The following SORCS3 variants were observed in gnomAD, a reference collection of about 807,000 sequenced individuals.
SORCS3 encodes the protein VPS10 domain-containing receptor SorCS3.
Under a neutral mutation model 146.3 loss-of-function variants are expected in SORCS3, and 57 were observed. The ratio of observed to expected loss-of-function variants is 0.39; its 90% CI spans 0.31 to 0.49. The LOEUF (loss-of-function observed/expected upper bound fraction) is 0.49. Ranked by LOEUF, SORCS3 falls within the 20% of genes least tolerant of loss-of-function variation. SORCS3 has a pLI of 0.92. For missense variants in SORCS3, 1,341 were observed against 1,575.5 expected, an observed-to-expected ratio of 0.85 and a Z score of 2.52; for synonymous variants, 653 against 618.5, an observed-to-expected ratio of 1.06 and a Z score of -0.83.
chr10:104,722,964 G>T (rs1332584715), intron 1 of SORCS3, among the ~76,000 whole-genome samples: 2 of 151,926 alleles, frequency 1.3e-5, no homozygotes, highest in African/African-American at 4.8e-5. Context: ...AGGGTTTTTT[G>T]TGTCTCTATT....
At chr10:105,119,084 G>A (rs925190814) in intron 7 of SORCS3, among the ~76,000 whole-genome samples, 2 of 152,080 alleles carry the variant, frequency 1.3e-5, no homozygotes, top group Admixed American at 6.5e-5. Flanking sequence ...TGTTTTCATG[G>A]GCTGGGCCTA....
At chr10:104,994,272 T>C (rs1197789990) in intron 4 of SORCS3, among the ~76,000 whole-genome samples, 2 of 152,122 alleles carry the variant, frequency 1.3e-5, no homozygotes, top group Non-Finnish European at 2.9e-5. Flanking sequence ...GGTTAGAGTA[T>C]ATATTAGGGA....
rs2016592025 is a variant in SORCS3 at position 104,724,212 on chromosome 10, T to C, written c.627+82258T>C. On this transcript the variant is annotated intron_variant, in intron 1 of 26. Transcript: ENST00000369701. ...TCAGCATTTGCTTGTCTGTAAAGGA[T>C]TTTATTTCTCCTTCACTTATGAAGC... 3.3e-5 allele frequency among the ~76,000 whole-genome samples: 5 copies of C among 152,296 alleles called. No individual in the cohort carries two copies. In the South Asian group the frequency reaches 1.0e-3, roughly 32 times the overall value.
At position 105,177,816 on chromosome 10, in the gene SORCS3, G is replaced by T. The variant is rs575287543; in HGVS notation, c.1902-250G>T. Among the ~76,000 whole-genome samples, 5 of 152,104 alleles carry T rather than the reference G, an allele frequency of 3.3e-5. No homozygotes were observed. The South Asian group carries it at 8.3e-4, about 25-fold the overall frequency. ...TTCCATCCACTAAGCCCTCCTGCTT[G>T]GGCTGTTTGTCGATTCTAATGTGTT... On this transcript the variant is annotated intron_variant, in intron 13 of 26. Transcript: ENST00000369701.
chr10:104,710,120 C>A (rs1022031680), intron 1 of SORCS3, among the ~76,000 whole-genome samples: 1 of 152,034 alleles, frequency 6.6e-6, no homozygotes, highest in Non-Finnish European at 1.5e-5. Flanking sequence ...ACATTCTAAT[C>A]GAATGATGGA....
At chr10:105,202,143 C>T (rs994177806) in intron 16 of SORCS3, among the ~76,000 whole-genome samples, 2 of 152,096 alleles carry the variant, frequency 1.3e-5, no homozygotes, top group South Asian at 2.1e-4. Context: ...ATTCATTCTC[C>T]TCACAGCAAC....
intron 3 of SORCS3, among the ~76,000 whole-genome samples, chr10:104,965,895 G>C (rs1336496265): frequency 1.3e-5 from 2 of 152,068 alleles, no homozygotes; most frequent in African/African-American, 4.8e-5. Context: ...TAATGGATTA[G>C]GGTGGAAAGG....
chr10:104,834,710 TC>T (rs1463854887), intron 1 of SORCS3, among the ~76,000 whole-genome samples: 1 of 151,874 alleles, frequency 6.6e-6, no homozygotes, highest in Non-Finnish European at 1.5e-5. Flanking sequence ...TTTTTTTTTT[TC>T]CTCTGCTAGG....
chr10:104,700,146 C>T (rs1185504624), intron 1 of SORCS3, among the ~76,000 whole-genome samples: 3 of 152,204 alleles, frequency 2.0e-5, no homozygotes, highest in African/African-American at 7.2e-5. Flanking sequence ...ATTCTGCTTC[C>T]TGATCACTTT....
chr10:104,736,080 A>G (rs1047660740), intron 1 of SORCS3, among the ~76,000 whole-genome samples: 1 of 152,128 alleles, frequency 6.6e-6, no homozygotes, highest in Non-Finnish European at 1.5e-5. Context: ...CAGCTGTCAT[A>G]CAAGGGCTGC....
chr10:105,114,465 A>C (rs1269092023), intron 7 of SORCS3, among the ~76,000 whole-genome samples: 2 of 152,146 alleles, frequency 1.3e-5, no homozygotes, highest in African/African-American at 2.4e-5. Flanking sequence ...CGCTGTTTTA[A>C]GTGAGCCTGT....
intron 1 of SORCS3, among the ~76,000 whole-genome samples, chr10:104,815,671 T>C (rs2017789652): frequency 7.2e-6 from 1 of 138,376 alleles, no homozygotes; most frequent in Non-Finnish European, 1.7e-5. Flanking sequence ...ATAGACACAC[T>C]TTTTTTTAAG....
intron 1 of SORCS3, among the ~76,000 whole-genome samples, chr10:104,718,392 C>A (rs2016504913): frequency 1.3e-5 from 2 of 152,168 alleles, no homozygotes; most frequent in African/African-American, 4.8e-5. Context: ...TAATGACATT[C>A]ATCCATTCAT....
intron 3 of SORCS3, among the ~76,000 whole-genome samples, chr10:104,976,633 T>G (rs550807949): frequency 9.8e-5 from 15 of 152,320 alleles, no homozygotes; most frequent in African/African-American, 3.1e-4. Context: ...GCAGCACTAT[T>G]CACAATAGCA....
intron 14 of SORCS3, among the ~76,000 whole-genome samples, chr10:105,184,411 C>T (rs1009309964): frequency 1.1e-4 from 17 of 152,198 alleles, no homozygotes; most frequent in African/African-American, 3.6e-4. Flanking sequence ...GCTTGTGGGC[C>T]GTCCAAACCA....
chr10:104,841,174 T>C (rs2018135808), intron 1 of SORCS3, among the ~76,000 whole-genome samples: 1 of 152,210 alleles, frequency 6.6e-6, no homozygotes. Flanking sequence ...TCTCTGGCTT[T>C]AATAAATGAG....
intron 1 of SORCS3, among the ~76,000 whole-genome samples, chr10:104,783,182 G>A (rs17772343): frequency 0.043 from 6,578 of 152,246 alleles, 147 homozygotes; most frequent in Admixed American, 0.054. Flanking sequence ...TGTGCGGATT[G>A]TGATGTGAAT....
chr10:105,248,027 T>C (rs949844847), intron 22 of SORCS3, among the ~76,000 whole-genome samples: 6 of 152,188 alleles, frequency 3.9e-5, no homozygotes, highest in Non-Finnish European at 8.8e-5. Context: ...GGCCACAGAT[T>C]GCACTCAGAA....
intron 7 of SORCS3, among the ~76,000 whole-genome samples, chr10:105,120,974 G>T (rs2055928570): frequency 6.6e-6 from 1 of 152,118 alleles, no homozygotes; most frequent in African/African-American, 2.4e-5. Flanking sequence ...TGGCACTCAT[G>T]GTGTTTAATT....
Sources: allele counts gnomAD v4.1 joint callset (sites outside exome capture counted in the v4.1 genomes callset), GRCh38; gene constraint gnomAD v4.1.1; transcripts MANE v1.5; gene names NCBI Gene and HGNC (gene_info 2026-07-23, HGNC 2026-07-21).